Variants in MUCL3 observed in about 807,000 individuals in gnomAD.
MUCL3 encodes mucin like 3, also known as mucin-like protein 3.
MUCL3 carries 42 observed loss-of-function variants against 70.2 expected under a neutral mutation model. The observed-to-expected ratio is 0.60, with a 90% CI of 0.47 to 0.77. The LOEUF (loss-of-function observed/expected upper bound fraction) is 0.77. MUCL3 is among the 30% of genes least tolerant of loss of function. MUCL3 has a pLI of 0.00. For synonymous variants in MUCL3, 522 were observed against 647.0 expected, an observed-to-expected ratio of 0.81 and a Z score of 2.93; for missense variants, 1,429 against 1,670.0, an observed-to-expected ratio of 0.86 and a Z score of 2.52.
chr6:30,953,259 C>T lies in MUCL3; in HGVS notation c.*142C>T, dbSNP rs894316402. 1 of 1,286,352 alleles carries T rather than the reference C, an allele frequency of 7.8e-7. No individual in the cohort carries two copies. 79.7% of individuals were successfully genotyped at this position (1,286,352 alleles called of 1,614,324 possible). ...TACCAGTATTAACCCTTCATCTGTT[C>T]TTGAAACTGGTTGGGGAATGAGGTG... On this transcript the variant is annotated 3_prime_UTR_variant, in exon 3 of 3. Coordinates refer to ENST00000462446, the MANE Select transcript of MUCL3 (RefSeq NM_080870.4).
intron 1 of MUCL3, among the ~76,000 whole-genome samples, chr6:30,941,487 T>A (rs1795576344): frequency 7.1e-6 from 1 of 141,842 alleles, no homozygotes; most frequent in African/African-American, 2.7e-5. Context: ...TGAGAAGGAG[T>A]CTTGCTCTGT....
In MUCL3 at chr6:30,941,457, CTTT is replaced by C. The variant is rs9278811; in HGVS notation, c.82+394_82+396del. 5.6e-3 allele frequency among the ~76,000 whole-genome samples: 586 copies of C among 105,208 alleles called. 5 individuals carry two copies. Among genetic ancestry groups the C allele is most frequent in the Admixed American group, 0.01 (108 of 10,718 alleles). 69.0% of individuals were successfully genotyped at this position (105,208 alleles called of 152,430 possible). A position where few individuals can be genotyped will look rare whatever the true frequency, so the allele number is the denominator to read the frequency against. On this transcript the variant is annotated intron_variant, in intron 1 of 2. Coordinates refer to ENST00000462446, the MANE Select transcript of MUCL3 (RefSeq NM_080870.4). Reference sequence around the variant, plus strand: ...CTTTCTTCTTCTTCTTCTTCTTCTTCTTTTTTTTTTTTTTTTTTTTGAGAAGGA... The same window carrying C: ...CTTTCTTCTTCTTCTTCTTCTTCTTCTTTTTTTTTTTTTTTTTGAGAAGGA...
chr6:30,952,995 C>T lies in MUCL3; in HGVS notation c.4060C>T (p.Arg1354Cys), dbSNP rs375547718. 4.8e-5 allele frequency: 77 copies of T among 1,614,206 alleles called. 1 individual carries two copies. The highest frequency in any genetic ancestry group is 1.6e-4 in the Middle Eastern group (1 of 6,062). Residue 1354 changes from arginine to cysteine, a missense_variant, in exon 3 of 3, where the codon CGC (arginine) becomes TGC (cysteine). Coordinates refer to ENST00000462446, the MANE Select transcript of MUCL3 (RefSeq NM_080870.4). The stretch of plus-strand genomic sequence containing the variant: ...GGTCTCCTATATGATGCGGACACGC[C>T]GCACACTAACCCAGAACACCCAGTA... ...FLVSYMMRTR[R>C]TLTQNTQYND...
rs1166788918 is a variant in MUCL3 at position 30,950,597 on chromosome 6, T to C, written c.2133T>C (p.Asn711=). Residue 711 remains asparagine (N), a synonymous_variant, in exon 2 of 3, where the codon AAT becomes AAC. Coordinates refer to ENST00000462446, the MANE Select transcript of MUCL3 (RefSeq NM_080870.4). ...ACGGAGAAAGGACCCCACTGGCCAA[T>C]GAGAACACCACACTATCCCCAGCAG... is the stretch of plus-strand genomic sequence containing the variant. ...TEHGERTPLA[N]ENTTLSPAEP... The C allele has an allele frequency of 1.3e-6, 2 of 1,543,460 alleles. No individual in the cohort carries two copies. Among genetic ancestry groups the C allele is most frequent in the African/African-American group, 2.9e-5 (2 of 69,356 alleles).
At chr6:30,947,074 A>T (rs1795809814) in intron 1 of MUCL3, among the ~76,000 whole-genome samples, 1 of 152,168 alleles carries the variant, frequency 6.6e-6, no homozygotes, top group African/African-American at 2.4e-5. Context: ...ACCGCTTCTA[A>T]AGAGCCTTAT....
chr6:30,948,227 A>G (rs534607374), intron 1 of MUCL3, among the ~76,000 whole-genome samples: 22 of 152,354 alleles, frequency 1.4e-4, no homozygotes, highest in African/African-American at 5.3e-4. Context: ...AGAATGGTGA[A>G]TAAAGACCTT....
At position 30,952,487 on chromosome 6, in the gene MUCL3, C is replaced by T. The variant is rs188616708; in HGVS notation, c.4023C>T (p.Gly1341=). The T allele has an allele frequency of 2.9e-5, 47 of 1,599,722 alleles. No individual in the cohort carries two copies. In the East Asian group the frequency reaches 1.0e-3, roughly 34 times the overall value. Residue 1341 remains glycine, a synonymous_variant, in exon 2 of 3, where the codon GGC becomes GGT. Coordinates refer to ENST00000462446, the MANE Select transcript of MUCL3 (RefSeq NM_080870.4). ...VAVILLLVFL[G]LIFLVSYMMR... ...TGATTCTCCTCCTGGTGTTCCTTGG[C>T]CTGATCTTCTTGGTAAGGGACAGAT...
chr6:30,950,976 C>T lies in MUCL3; in HGVS notation c.2512C>T (p.Pro838Ser). Reference protein sequence around the residue: ...RTANEKTTQFPAEPTENREST... With the variant: ...RTANEKTTQFSAEPTENREST... ...AGCCAATGAGAAGACCACACAATTC[C>T]CAGCAGAGCCTACAGAAAATAGAGA... The change falls in exon 2 of 3, where the codon CCA (proline) becomes TCA (serine). Residue 838 changes from proline to serine, a missense_variant. Transcript: ENST00000462446. 1 of 1,550,306 alleles carries T rather than the reference C, an allele frequency of 6.5e-7. No homozygotes were observed. The highest frequency in any genetic ancestry group is 2.5e-5 in the East Asian group (1 of 40,726).
chr6:30,949,544 G>A lies in MUCL3; in HGVS notation c.1080G>A (p.Glu360=), dbSNP rs1324543715. The part of the protein sequence containing the change: ...ANENTTLFPA[E]PTEHGERTAN... The stretch of plus-strand genomic sequence containing the variant: ...AGAATACCACACTATTCCCAGCAGA[G>A]CCTACAGAACATGGAGAAAGGACAG... Residue 360 remains glutamate (E), a synonymous_variant, in exon 2 of 3, where the codon GAG becomes GAA. Coordinates refer to ENST00000462446, the MANE Select transcript of MUCL3 (RefSeq NM_080870.4). 54 of 1,550,704 alleles carry A rather than the reference G, an allele frequency of 3.5e-5. No individual in the cohort carries two copies. The highest frequency in any genetic ancestry group is 4.7e-5 in the Non-Finnish European group (54 of 1,146,894).
In MUCL3 at chr6:30,949,076, T is replaced by G. The variant is rs1290481836; in HGVS notation, c.612T>G (p.His204Gln). The change falls in exon 2 of 3, where the codon CAT becomes CAG. Residue 204 changes from histidine (H) to glutamine (Q), a missense_variant. By Grantham distance (24) the His-to-Gln change is conservative. Coordinates refer to ENST00000462446, the MANE Select transcript of MUCL3 (RefSeq NM_080870.4). ...STLDKTSTSS[H>Q]KTTTSFHNSG... is the part of the protein sequence containing the mutation. Reference sequence around the variant, plus strand: ...TGGATAAGACAAGTACCAGCTCACATAAGACTACAACTTCCTTCCACAACT... The same window carrying G: ...TGGATAAGACAAGTACCAGCTCACAGAAGACTACAACTTCCTTCCACAACT... 2.6e-6 allele frequency: 4 copies of G among 1,550,970 alleles called. No individual in the cohort carries two copies. The highest frequency in any genetic ancestry group is 2.6e-6 in the Non-Finnish European group (3 of 1,146,826).
chr6:30,953,295 A>G lies in MUCL3; in HGVS notation c.*178A>G. 1.1e-6 allele frequency: 1 copy of G among 878,776 alleles called. No individual in the cohort carries two copies. The highest frequency in any genetic ancestry group is 1.7e-6 in the Non-Finnish European group (1 of 591,750). 54.4% of individuals were successfully genotyped at this position (878,776 alleles called of 1,614,324 possible). A position where few individuals can be genotyped will look rare whatever the true frequency, so the allele number is the denominator to read the frequency against. On this transcript the variant is annotated 3_prime_UTR_variant, in exon 3 of 3. Transcript: ENST00000462446. ...TTGGGGAATGAGGTGATAAGCAAGG[A>G]GGGTGTAAGTTTAGGGGACAAAGAA... is the stretch of plus-strand genomic sequence containing the variant.
rs1373860291 is a variant in MUCL3, at chr6:30,954,008, C to A, written c.*891C>A. 6.6e-6 allele frequency: 1 copy of A among 152,316 alleles called. No individual in the cohort carries two copies. Among genetic ancestry groups the A allele is most frequent in the Non-Finnish European group, 1.5e-5 (1 of 68,050 alleles). The allele number at this position is 152,316 out of a possible 1,614,324, so 9.4% of individuals were successfully genotyped here. ...AAAAGTTACCCATCTTCTCTACTGT[C>A]CCCATTCTCTCTCCTCCCACCTTCA... On this transcript the variant is annotated 3_prime_UTR_variant, in exon 3 of 3. Transcript: ENST00000462446. The surrounding 1 kb of genome is among the most constrained non-coding windows in gnomAD (Gnocchi z 4.4).
intron 1 of MUCL3, chr6:30,946,142 G>C (rs953846086): frequency 6.6e-6 from 1 of 152,432 alleles, no homozygotes; most frequent in African/African-American, 2.4e-5. Flanking sequence ...GGGGGGTAGG[G>C]CTACTGCTCA....
chr6:30,951,478 G>A lies in MUCL3; in HGVS notation c.3014G>A (p.Gly1005Glu). The A allele has an allele frequency of 6.4e-7, 1 of 1,550,950 alleles. No individual in the cohort carries two copies. The highest frequency in any genetic ancestry group is 1.4e-5 in the African/African-American group (1 of 72,672). ...TCCCCAACAGAGTCTACAGAACATGGAGAAAGGACAGCCAATGAGAAGACC... is the reference window on the plus strand; with the variant it reads ...TCCCCAACAGAGTCTACAGAACATGAAGAAAGGACAGCCAATGAGAAGACC... Reference protein sequence around the residue: ...TTSPTESTEHGERTANEKTTP... With the variant: ...TTSPTESTEHEERTANEKTTP... The change falls in exon 2 of 3, where the codon GGA becomes GAA. Residue 1005 changes from glycine to glutamate, a missense_variant. By Grantham distance (98) the Gly-to-Glu change is moderately conservative. Transcript: ENST00000462446.
Position 30,951,597 on chromosome 6 carries a change from GA to G in MUCL3, c.3135del (p.Glu1046LysfsTer2), listed in dbSNP as rs1442142759. The G allele has an allele frequency of 1.3e-6, 2 of 1,542,420 alleles. No individual in the cohort carries two copies. Among genetic ancestry groups the G allele is most frequent in the Admixed American group, 3.9e-5 (2 of 50,824 alleles). On this transcript the variant is annotated frameshift_variant, in exon 2 of 3. Transcript: ENST00000462446. LOFTEE classifies it high-confidence loss of function. ...ATCTCCAGCAAAGCCTACAGAACACGAAGAAATGACCCCATCGGCCAATGAG... is the reference window on the plus strand; with the variant it reads ...ATCTCCAGCAAAGCCTACAGAACACGAGAAATGACCCCATCGGCCAATGAG... ...IPSPAKPTEH[E>X]EMTPSANENT...
chr6:30,949,169 A>C lies in MUCL3; in HGVS notation c.705A>C (p.Thr235=). 1 of 1,551,618 alleles carries C rather than the reference A, an allele frequency of 6.4e-7. No individual in the cohort carries two copies. Reference sequence around the variant, plus strand: ...AAAAAATCACAGCAGCCTCAAAAACAACATACAAGACCACAGGAACCCCAG... The same window carrying C: ...AAAAAATCACAGCAGCCTCAAAAACCACATACAAGACCACAGGAACCCCAG... ...FPEKITAASK[T]TYKTTGTPEE... is the part of the protein sequence containing the mutation. Residue 235 remains threonine, a synonymous_variant, in exon 2 of 3, where the codon ACA becomes ACC. Coordinates refer to ENST00000462446, the MANE Select transcript of MUCL3 (RefSeq NM_080870.4).
rs544989899 is a variant in MUCL3, at chr6:30,949,438, A to T, written c.974A>T (p.Glu325Val). The part of the protein sequence containing the change: ...NTTLSPAEPI[E>V]NRERTANENT... The stretch of plus-strand genomic sequence containing the variant: ...ACACTATCCCCAGCAGAGCCTATAG[A>T]AAATAGAGAAAGGACAGCCAATGAG... Residue 325 changes from glutamate (E) to valine (V), a missense_variant, in exon 2 of 3, where the codon GAA becomes GTA. Transcript: ENST00000462446. 1 of 1,510,296 alleles carries T rather than the reference A, an allele frequency of 6.6e-7. No individual in the cohort carries two copies. Among genetic ancestry groups the T allele is most frequent in the East Asian group, 2.7e-5 (1 of 36,476 alleles). The allele number at this position is 1,510,296 out of a possible 1,614,324, so 93.6% of individuals were successfully genotyped here.
In MUCL3 at chr6:30,949,133, A is replaced by G. The variant is rs1490996850; in HGVS notation, c.669A>G (p.Thr223=). Residue 223 remains threonine, a synonymous_variant, in exon 2 of 3, where the codon ACA becomes ACG. Coordinates refer to ENST00000462446, the MANE Select transcript of MUCL3 (RefSeq NM_080870.4). The stretch of plus-strand genomic sequence containing the variant: ...ATTCACAGACCAAGCAAAAAAGCAC[A>G]TCTTTTCCAGAAAAAATCACAGCAG... ...SGNSQTKQKS[T]SFPEKITAAS... is the part of the protein sequence containing the mutation. The G allele has an allele frequency of 1.5e-5, 24 of 1,551,318 alleles. No individual in the cohort carries two copies. Among genetic ancestry groups the G allele is most frequent in the Non-Finnish European group, 2.0e-5 (23 of 1,146,936 alleles).
In MUCL3 at chr6:30,950,515, A is replaced by G; in HGVS notation, c.2051A>G (p.Gln684Arg). The change falls in exon 2 of 3, where the codon CAA becomes CGA. Residue 684 changes from glutamine (Q) to arginine (R), a missense_variant. Coordinates refer to ENST00000462446, the MANE Select transcript of MUCL3 (RefSeq NM_080870.4). ...CCAGCAGAGCCTACAGAAAATGGAC[A>G]AAGGACCCCATTTGCCAATGAGAAA... The part of the protein sequence containing the change: ...SSPAEPTENG[Q>R]RTPFANEKTT... The G allele has an allele frequency of 6.4e-7, 1 of 1,550,800 alleles. No individual in the cohort carries two copies. The highest frequency in any genetic ancestry group is 8.7e-7 in the Non-Finnish European group (1 of 1,146,846).
Sources: allele counts gnomAD v4.1 joint callset (sites outside exome capture counted in the v4.1 genomes callset), GRCh38; gene constraint gnomAD v4.1.1; non-coding constraint Gnocchi (gnomAD v3.1); transcripts MANE v1.5; gene names NCBI Gene and HGNC (gene_info 2026-07-23, HGNC 2026-07-21).